Variants in PRKCA observed in about 807,000 individuals in gnomAD.
PRKCA encodes protein kinase C alpha, also known as protein kinase C alpha type.
A neutral mutation model predicts 87.0 loss-of-function variants in PRKCA; 27 were observed. That is an observed-to-expected ratio of 0.31 (90% CI 0.23 to 0.43). The LOEUF is 0.43. Ranked by LOEUF, PRKCA falls within the 20% of genes least tolerant of loss-of-function variation. The pLI is 1.00. For missense variants in PRKCA, 518 were observed against 852.3 expected, an observed-to-expected ratio of 0.61 and a Z score of 4.88; for synonymous variants, 329 against 311.1, an observed-to-expected ratio of 1.06 and a Z score of -0.61.
intron 3 of PRKCA, among the ~76,000 whole-genome samples, chr17:66,532,956 G>A (rs1158315187): frequency 1.3e-5 from 2 of 152,132 alleles, no homozygotes; most frequent in Non-Finnish European, 1.5e-5. Context: ...AAACAGACAC[G>A]TTTGCTTCCC....
Position 66,562,592 on chromosome 17 carries a change from T to TTTTTTTG in PRKCA, c.288+66311_288+66312insTTTTGTT, listed in dbSNP as rs1555619921. On this transcript the variant is annotated intron_variant, in intron 3 of 16. Coordinates refer to ENST00000413366, the MANE Select transcript of PRKCA (RefSeq NM_002737.3). ...AAATAATAGCTAAGTTTTGTTTTTT[T>TTTTTTTG]TTGTTGTTGTTGTTGTTGTTTTTTG... is the stretch of plus-strand genomic sequence containing the variant. 7.3e-5 allele frequency among the ~76,000 whole-genome samples: 11 copies of TTTTTTTG among 150,836 alleles called. No individual in the cohort carries two copies. In the South Asian group the frequency reaches 2.3e-3, roughly 32 times the overall value.
chr17:66,507,342 C>A (rs955189785), intron 3 of PRKCA, among the ~76,000 whole-genome samples: 2 of 152,184 alleles, frequency 1.3e-5, no homozygotes, highest in African/African-American at 4.8e-5. Context: ...GAGCACTAAG[C>A]TTTGAACTGG....
At chr17:66,428,095 G>A (rs954207169) in intron 2 of PRKCA, among the ~76,000 whole-genome samples, 2 of 152,034 alleles carry the variant, frequency 1.3e-5, no homozygotes, top group African/African-American at 2.4e-5. Context: ...TTTTCTCATC[G>A]TAAATGGTGC....
chr17:66,781,846 T>TTG (rs1975223222), intron 14 of PRKCA, among the ~76,000 whole-genome samples: 1 of 135,756 alleles, frequency 7.4e-6, no homozygotes, highest in African/African-American at 3.0e-5. Flanking sequence ...ATGGTAAATT[T>TTG]TGTGAGAGAG....
intron 13 of PRKCA, among the ~76,000 whole-genome samples, chr17:66,756,847 G>A (rs545447230): frequency 6.6e-6 from 1 of 152,086 alleles, no homozygotes; most frequent in East Asian, 1.9e-4. Flanking sequence ...ATTTTTAGTA[G>A]AGACAGGGTT....
intron 3 of PRKCA, among the ~76,000 whole-genome samples, chr17:66,571,789 G>A (rs1053998262): frequency 6.6e-6 from 1 of 152,228 alleles, no homozygotes; most frequent in Non-Finnish European, 1.5e-5. Context: ...CTCTGAAGCA[G>A]GGGTAGGAGT....
At chr17:66,527,875 G>A (rs2048716) in intron 3 of PRKCA, among the ~76,000 whole-genome samples, 38,671 of 152,014 alleles carry the variant, frequency 0.25, 6,087 homozygotes, top group African/African-American at 0.43. Context: ...ATGGAAATAC[G>A]GAAAATGTTT....
chr17:66,491,113 C>G (rs1482395668), intron 2 of PRKCA, among the ~76,000 whole-genome samples: 1 of 152,184 alleles, frequency 6.6e-6, no homozygotes, highest in African/African-American at 2.4e-5. Context: ...CCCACCATGT[C>G]ATTTGCTCAG....
intron 3 of PRKCA, among the ~76,000 whole-genome samples, chr17:66,621,044 A>G (rs1382092829): frequency 6.6e-6 from 1 of 152,220 alleles, no homozygotes; most frequent in Non-Finnish European, 1.5e-5. Context: ...TGCTCCTAAA[A>G]CAATATTAAC....
chr17:66,657,783 TC>T (rs990099584), intron 5 of PRKCA, among the ~76,000 whole-genome samples: 1 of 152,064 alleles, frequency 6.6e-6, no homozygotes, highest in Non-Finnish European at 1.5e-5. Flanking sequence ...TTTCAATCCC[TC>T]CCACCCCAAT....
At chr17:66,552,636 C>T (rs1464538625) in intron 3 of PRKCA, among the ~76,000 whole-genome samples, 5 of 152,172 alleles carry the variant, frequency 3.3e-5, no homozygotes, top group Admixed American at 6.5e-5. Flanking sequence ...GCACCCAAGC[C>T]AAGATTGCAC....
chr17:66,738,938 ATTGGGGG>A, intron 11 of PRKCA, 83 bp downstream of exon 11: 1 of 1,067,914 alleles, frequency 9.4e-7, no homozygotes, highest in East Asian at 2.6e-5. Context: ...CCCGCTTGAG[ATTGGGGG>A]TCTCACTCTG....
intron 8 of PRKCA, among the ~76,000 whole-genome samples, chr17:66,714,860 C>T (rs1369087285): frequency 2.6e-5 from 4 of 152,190 alleles, no homozygotes; most frequent in Non-Finnish European, 5.9e-5. Context: ...AGAGAATAGC[C>T]CAGAACAGTG....
chr17:66,759,484 A>C (rs1161740096), intron 13 of PRKCA, among the ~76,000 whole-genome samples: 1 of 152,112 alleles, frequency 6.6e-6, no homozygotes, highest in Non-Finnish European at 1.5e-5. Context: ...AATCATATGA[A>C]ATGCTCAGCT....
chr17:66,501,111 T>A (rs954047950), intron 3 of PRKCA, among the ~76,000 whole-genome samples: 1 of 152,184 alleles, frequency 6.6e-6, no homozygotes, highest in African/African-American at 2.4e-5. Flanking sequence ...TTGTACCTGC[T>A]CTGCCATCTT....
intron 2 of PRKCA, among the ~76,000 whole-genome samples, chr17:66,396,957 CTTT>C (rs35135551): frequency 1.7e-4 from 9 of 52,126 alleles, no homozygotes; most frequent in Admixed American, 3.7e-4. Flanking sequence ...ACAATCAAGA[CTTT>C]TTTTTTTTTT....
chr17:66,586,815 T>C (rs1969611459), intron 3 of PRKCA, among the ~76,000 whole-genome samples: 2 of 152,174 alleles, frequency 1.3e-5, no homozygotes, highest in Non-Finnish European at 2.9e-5. Context: ...TGAATATCCA[T>C]AACATGTCAG....
intron 16 of PRKCA, among the ~76,000 whole-genome samples, chr17:66,799,064 G>GGTGA (rs1975792537): frequency 1.4e-4 from 2 of 14,314 alleles, no homozygotes; most frequent in African/African-American, 3.3e-4. Context: ...GGTGGTGGTG[G>GGTGA]TGGTGGTGGT....
chr17:66,634,649 A>G (rs929126742), intron 3 of PRKCA, among the ~76,000 whole-genome samples: 2 of 152,216 alleles, frequency 1.3e-5, no homozygotes, highest in Admixed American at 6.5e-5. Flanking sequence ...TACACATTTA[A>G]TGAAGGTCTA....
Sources: gnomAD v4.1 joint callset for allele counts (sites outside exome capture counted in the v4.1 genomes callset) on GRCh38, gnomAD v4.1.1 for gene constraint, MANE v1.5 for transcripts, NCBI Gene and HGNC (gene_info 2026-07-23, HGNC 2026-07-21) for gene names.